Variants in ADCY9 observed in about 807,000 individuals in gnomAD.
The protein encoded by ADCY9 is adenylate cyclase type 9.
Under a neutral mutation model 101.5 loss-of-function variants are expected in ADCY9, and 50 were observed. The observed-to-expected ratio is 0.49, with a 90% CI of 0.39 to 0.62. The LOEUF is 0.62. Ranked by LOEUF, ADCY9 falls within the 20% of genes least tolerant of loss-of-function variation. The pLI is 0.00. For missense variants in ADCY9, 1,662 were observed against 1,800.4 expected (o/e 0.92, Z 1.39); for synonymous variants, 905 against 769.3 (o/e 1.18, Z -2.92).
intron 6 of ADCY9, among the ~76,000 whole-genome samples, chr16:3,987,229 G>A (rs2056200694): frequency 1.3e-5 from 2 of 152,184 alleles, no homozygotes; most frequent in Non-Finnish European, 2.9e-5. Flanking sequence ...CTCCAGCTCC[G>A]GATGTTGTTT....
In ADCY9 at chr16:4,114,399, C is replaced by T; in HGVS notation, c.1044G>A (p.Lys348=). The change falls in exon 2 of 11, where the codon AAG becomes AAA. Residue 348 remains lysine (K), a synonymous_variant. Transcript: ENST00000294016. This position sits in a 1 kb window ranked among gnomAD's most constrained non-coding sequence, Gnocchi z 4.3. ...MPRIIADDLM[K]QGDEESENSV... is the part of the protein sequence containing the mutation. ...AATTCTCACTCTCCTCATCTCCCTG[C>T]TTCATTAAGTCATCGGCTATGATTC... 1 of 1,614,140 alleles carries T rather than the reference C, an allele frequency of 6.2e-7. No individual in the cohort carries two copies. Among genetic ancestry groups the T allele is most frequent in the Non-Finnish European group, 8.5e-7 (1 of 1,180,040 alleles).
intron 2 of ADCY9, among the ~76,000 whole-genome samples, chr16:4,097,551 ATATTTTT>A (rs1271689827): frequency 1.8e-4 from 9 of 51,034 alleles, no homozygotes; most frequent in African/African-American, 8.7e-4. Context: ...ATATATATAT[ATATTTTT>A]TTTTTTTTTT....
At chr16:4,053,778 G>A (rs1437425004) in intron 2 of ADCY9, among the ~76,000 whole-genome samples, 1 of 152,132 alleles carries the variant, frequency 6.6e-6, no homozygotes, top group Admixed American at 6.5e-5. Context: ...TCCTGCTCAT[G>A]CCAACTTCAA....
At chr16:4,085,628 G>C (rs1162782913) in intron 2 of ADCY9, among the ~76,000 whole-genome samples, 1 of 152,092 alleles carries the variant, frequency 6.6e-6, no homozygotes, top group Admixed American at 6.5e-5. Flanking sequence ...ACATGGAAGT[G>C]AACAGGACCT....
intron 10 of ADCY9, among the ~76,000 whole-genome samples, chr16:3,972,500 T>A (rs916578148): frequency 3.3e-5 from 5 of 152,198 alleles, no homozygotes; most frequent in South Asian, 2.1e-4. Flanking sequence ...CCCAAAGTGT[T>A]GGGATTACAG....
chr16:4,013,773 A>G (rs1004337856), intron 2 of ADCY9, among the ~76,000 whole-genome samples: 6 of 152,270 alleles, frequency 3.9e-5, no homozygotes, highest in African/African-American at 1.4e-4. Context: ...GCCAAAGCCT[A>G]TGGAGTCATA....
At chr16:4,079,740 T>C (rs1287506560) in intron 2 of ADCY9, among the ~76,000 whole-genome samples, 2 of 152,144 alleles carry the variant, frequency 1.3e-5, no homozygotes, top group East Asian at 3.8e-4. Flanking sequence ...TATATATTTA[T>C]ATGCATTGAT....
At chr16:3,982,507 GC>G (rs1288081727) in intron 7 of ADCY9, 2 of 152,284 alleles carry the variant, frequency 1.3e-5, no homozygotes, top group Non-Finnish European at 2.9e-5. Flanking sequence ...GGAATACAGA[GC>G]CGCTGCGAGC....
chr16:4,064,972 G>A (rs545429918), intron 2 of ADCY9, among the ~76,000 whole-genome samples: 3 of 152,280 alleles, frequency 2.0e-5, no homozygotes, highest in African/African-American at 7.2e-5. Context: ...GGAAAATGGA[G>A]AGAGCGAATA....
intron 2 of ADCY9, among the ~76,000 whole-genome samples, chr16:4,052,282 G>A (rs1243181960): frequency 6.6e-6 from 1 of 152,230 alleles, no homozygotes; most frequent in East Asian, 1.9e-4. Flanking sequence ...CTGTGGTCCT[G>A]GGCGGGCTCC....
intron 2 of ADCY9, among the ~76,000 whole-genome samples, chr16:4,075,548 A>C (rs558058313): frequency 6.6e-6 from 1 of 152,344 alleles, no homozygotes; most frequent in African/African-American, 2.4e-5. Flanking sequence ...ATGTACTGGC[A>C]AGAAATGTAC....
At chr16:3,968,486 G>A (rs1389739629) in intron 10 of ADCY9, among the ~76,000 whole-genome samples, 1 of 152,138 alleles carries the variant, frequency 6.6e-6, no homozygotes, top group Non-Finnish European at 1.5e-5. Flanking sequence ...TAGCTTTTAT[G>A]AGTTCTATAC....
intron 2 of ADCY9, among the ~76,000 whole-genome samples, chr16:4,026,359 C>T (rs999073995): frequency 1.5e-5 from 2 of 137,734 alleles, no homozygotes; most frequent in African/African-American, 5.4e-5. Flanking sequence ...GGGAGGCGGA[C>T]ATTGCAGTGA....
intron 10 of ADCY9, among the ~76,000 whole-genome samples, chr16:3,968,988 G>A (rs1237061834): frequency 6.6e-6 from 1 of 152,116 alleles, no homozygotes; most frequent in Non-Finnish European, 1.5e-5. Flanking sequence ...TCGGACTACA[G>A]GTGCACGCCA....
intron 2 of ADCY9, among the ~76,000 whole-genome samples, chr16:4,023,448 G>C (rs2056491880): frequency 6.6e-6 from 1 of 152,238 alleles, no homozygotes. Context: ...GGCAATTGCG[G>C]TGGTGTAGGT....
At chr16:3,980,142 G>A (rs2056128380) in intron 7 of ADCY9, among the ~76,000 whole-genome samples, 1 of 152,250 alleles carries the variant, frequency 6.6e-6, no homozygotes, top group Admixed American at 6.5e-5. Flanking sequence ...AGACAGCGGG[G>A]CTCTGTTGTA....
intron 3 of ADCY9, among the ~76,000 whole-genome samples, chr16:4,000,853 T>TG (rs2056324484): frequency 6.6e-6 from 1 of 151,962 alleles, no homozygotes; most frequent in Non-Finnish European, 1.5e-5. Flanking sequence ...CAGTCCATCA[T>TG]GAAGTCAAGA....
chr16:3,973,168 A>G (rs942691948), intron 10 of ADCY9, among the ~76,000 whole-genome samples: 2 of 152,108 alleles, frequency 1.3e-5, no homozygotes, highest in Admixed American at 6.5e-5. Flanking sequence ...CAGTTAATTT[A>G]TTTATTATTG....
rs751329610 is a variant in ADCY9, at chr16:3,983,440, C to T, written c.2311G>A (p.Val771Ile). ...RSYRTSYQEEVIKNSPVKTFA... is the reference protein window; with the variant it reads ...RSYRTSYQEEIIKNSPVKTFA... ...GTCTTCACGGGGGAGTTCTTTATGA[C>T]CTGTGTGGAGCAGGAGTGGAGCAGA... The change falls in exon 7 of 11, where the codon GTC becomes ATC. Residue 771 changes from valine to isoleucine, a missense_variant and splice_region_variant. Physicochemically the swap from Val to Ile is conservative, Grantham distance 29 (BLOSUM62 3). This residue lies in a region of ADCY9 where 624 missense variants were observed against 639.1 expected (regional missense o/e 0.98). Coordinates refer to ENST00000294016, the MANE Select transcript of ADCY9 (RefSeq NM_001116.4). 1 of 1,597,922 alleles carries T rather than the reference C, an allele frequency of 6.3e-7. No homozygotes were observed. The highest frequency in any genetic ancestry group is 8.5e-7 in the Non-Finnish European group (1 of 1,171,768).
Sources: allele counts gnomAD v4.1 joint callset (sites outside exome capture counted in the v4.1 genomes callset), GRCh38; gene constraint gnomAD v4.1.1; regional missense constraint gnomAD v4.1.1; non-coding constraint Gnocchi (gnomAD v3.1); transcripts MANE v1.5; gene names NCBI Gene and HGNC (gene_info 2026-07-23, HGNC 2026-07-21).